TMEM156: variants seen among roughly 807,000 people sequenced by gnomAD.
The protein encoded by TMEM156 is transmembrane protein 156.
Under a neutral mutation model 30.5 loss-of-function variants are expected in TMEM156, and 28 were observed. The observed-to-expected ratio is 0.92, with a 90% CI of 0.68 to 1.26. The LOEUF (loss-of-function observed/expected upper bound fraction) is 1.26. TMEM156 is among the 50% of genes most tolerant of loss of function. The pLI, the probability that TMEM156 is intolerant of heterozygous loss-of-function variation, is 0.00. For missense variants in TMEM156, 351 were observed against 340.6 expected (o/e 1.03, Z -0.24); for synonymous variants, 137 against 119.9 (o/e 1.14, Z -0.93).
intron 5 of TMEM156, among the ~76,000 whole-genome samples, chr4:38,975,106 T>G (rs1722784526): frequency 6.6e-6 from 1 of 152,186 alleles, no homozygotes; most frequent in South Asian, 2.1e-4. Context: ...AATTTCTTCT[T>G]ACCCTTTAGA....
intron 5 of TMEM156, among the ~76,000 whole-genome samples, chr4:38,981,345 T>C (rs1711532910): frequency 1.3e-5 from 2 of 152,224 alleles, no homozygotes; most frequent in African/African-American, 4.8e-5. Flanking sequence ...ACAATAAAAC[T>C]CCATTTTCTT....
chr4:38,968,414 C>G (rs185169362), intron 6 of TMEM156, among the ~76,000 whole-genome samples: 148 of 152,258 alleles, frequency 9.7e-4, no homozygotes, highest in Non-Finnish European at 1.8e-3. Context: ...ATGTGAACAC[C>G]TTTATCATGT....
intron 1 of TMEM156, among the ~76,000 whole-genome samples, chr4:39,011,132 G>C (rs1161501779): frequency 6.6e-6 from 1 of 152,060 alleles, no homozygotes; most frequent in Non-Finnish European, 1.5e-5. Context: ...AGATATCCAA[G>C]CAGCCAACAA....
intron 1 of TMEM156, 97 bp from the exon 2 acceptor site, chr4:38,999,006 G>T: frequency 2.0e-6 from 2 of 1,023,334 alleles, no homozygotes; most frequent in Non-Finnish European, 2.8e-6. Flanking sequence ...TTCTTAGGTG[G>T]ATTCAGTACA....
chr4:39,007,621 AT>A (rs993778305), intron 1 of TMEM156, among the ~76,000 whole-genome samples: 8 of 151,540 alleles, frequency 5.3e-5, no homozygotes, highest in Non-Finnish European at 1.2e-4. Context: ...CACCCAGCTC[AT>A]TTTTTTGGTA....
chr4:38,993,136 G>A (rs947655558), intron 3 of TMEM156, among the ~76,000 whole-genome samples: 13 of 151,746 alleles, frequency 8.6e-5, no homozygotes, highest in Admixed American at 7.9e-4. Flanking sequence ...CAGAAAATAG[G>A]CATGTTTCAA....
intron 5 of TMEM156, among the ~76,000 whole-genome samples, chr4:38,984,994 T>A: frequency 7.8e-6 from 1 of 127,770 alleles, no homozygotes; most frequent in Non-Finnish European, 1.7e-5. Flanking sequence ...CTATATGGGT[T>A]GACGGGGGAA....
At chr4:39,006,027 C>T (rs758797524) in intron 1 of TMEM156, among the ~76,000 whole-genome samples, 1 of 152,152 alleles carries the variant, frequency 6.6e-6, no homozygotes, top group African/African-American at 2.4e-5. Context: ...TCCTGAGTAG[C>T]TGGGATTACA....
chr4:38,974,192 T>A (rs1722739383), intron 5 of TMEM156, among the ~76,000 whole-genome samples: 1 of 148,530 alleles, frequency 6.7e-6, no homozygotes, highest in South Asian at 2.2e-4. Flanking sequence ...TTATTTATTT[T>A]TTCTTTCTTT....
chr4:39,007,701 C>A (rs60547368), intron 1 of TMEM156, among the ~76,000 whole-genome samples: 3,893 of 152,196 alleles, frequency 0.026, 182 homozygotes, highest in African/African-American at 0.089. Flanking sequence ...TTGTGATCTG[C>A]CTGCCTCGGC....
intron 5 of TMEM156, among the ~76,000 whole-genome samples, chr4:38,973,599 T>C (rs1438628764): frequency 6.6e-6 from 1 of 152,208 alleles, no homozygotes; most frequent in Non-Finnish European, 1.5e-5. Context: ...GGGAATTGTC[T>C]TAGGTTTTCC....
At chr4:39,028,388 A>T (rs1461053886) in intron 1 of TMEM156, 1 of 152,192 alleles carries the variant, frequency 6.6e-6, no homozygotes, top group East Asian at 1.9e-4. Context: ...GAACTCTGAC[A>T]ATTATTTATT....
chr4:39,026,123 A>G (rs896198646), intron 1 of TMEM156, among the ~76,000 whole-genome samples: 6 of 152,190 alleles, frequency 3.9e-5, no homozygotes, highest in African/African-American at 1.4e-4. Flanking sequence ...GATAATTTTA[A>G]AAAATGCATA....
At chr4:38,996,930 C>G (rs550895151) in intron 2 of TMEM156, among the ~76,000 whole-genome samples, 3 of 152,096 alleles carry the variant, frequency 2.0e-5, no homozygotes, top group East Asian at 3.9e-4. Context: ...GATAGATAGA[C>G]AGATAGATCA....
chr4:38,968,393 C>T (rs922216639), intron 6 of TMEM156, among the ~76,000 whole-genome samples: 12 of 152,262 alleles, frequency 7.9e-5, no homozygotes, highest in Admixed American at 3.9e-4. Context: ...TCCCCAAGTC[C>T]CTCTCTTCAC....
chr4:39,002,686 A>G lies in TMEM156; in HGVS notation c.89-3777T>C, dbSNP rs555808369. ...TAAGAAAATGTGGCACATATACGCC[A>G]TGGAATACTATGCAGCCATAAAAAA... On this transcript the variant is annotated intron_variant, in intron 1 of 6. Coordinates refer to ENST00000381938, the MANE Select transcript of TMEM156 (RefSeq NM_024943.3). Among the ~76,000 whole-genome samples, 4 of 150,046 alleles carry G rather than the reference A, an allele frequency of 2.7e-5. No homozygotes were observed. In the South Asian group the frequency reaches 8.8e-4, roughly 33 times the overall value.
At chr4:39,022,520 A>C (rs1195841085) in intron 1 of TMEM156, among the ~76,000 whole-genome samples, 1 of 152,180 alleles carries the variant, frequency 6.6e-6, no homozygotes. Flanking sequence ...GCCTCCAAGG[A>C]GTCTTATTGT....
rs572738736 is a variant in TMEM156 at position 39,022,777 on chromosome 4, A to G, written c.88+9449T>C. Among the ~76,000 whole-genome samples, 5 of 152,274 alleles carry G rather than the reference A, an allele frequency of 3.3e-5. No individual in the cohort carries two copies. The East Asian group carries it at 9.6e-4, about 29-fold the overall frequency. ...CAGAGGCTACTCTAGGTCAACTCAC[A>G]TTTTCCCAAGACCTCATTAACTAGT... On this transcript the variant is annotated intron_variant, in intron 1 of 6. Coordinates refer to ENST00000381938, the MANE Select transcript of TMEM156 (RefSeq NM_024943.3).
chr4:39,022,825 T>G (rs1196147633), intron 1 of TMEM156, among the ~76,000 whole-genome samples: 1 of 152,194 alleles, frequency 6.6e-6, no homozygotes, highest in Non-Finnish European at 1.5e-5. Context: ...TTGGAAGAAA[T>G]GTAGATTATT....
Sources: allele counts gnomAD v4.1 joint callset (sites outside exome capture counted in the v4.1 genomes callset), GRCh38; gene constraint gnomAD v4.1.1; transcripts MANE v1.5; gene names NCBI Gene and HGNC (gene_info 2026-07-23, HGNC 2026-07-21).